The following CSMD1 variants were observed in gnomAD, a reference collection of about 807,000 sequenced individuals.
CSMD1 encodes the protein CUB and sushi domain-containing protein 1.
CSMD1 carries 213 observed loss-of-function variants against 417.5 expected under a neutral mutation model. The ratio of observed to expected loss-of-function variants is 0.51; its 90% CI spans 0.46 to 0.57. CSMD1 has a LOEUF of 0.57. CSMD1 is among the 20% of genes least tolerant of loss of function. The pLI is 0.00. For missense variants in CSMD1, 6,923 were observed against 4,529.7 expected (o/e 1.53, Z -15.17); for synonymous variants, 2,862 against 1,736.8 (o/e 1.65, Z -16.11).
intron 3 of CSMD1, among the ~76,000 whole-genome samples, chr8:4,352,209 C>A (rs1281699901): frequency 6.6e-6 from 1 of 152,186 alleles, no homozygotes; most frequent in Non-Finnish European, 1.5e-5. Flanking sequence ...GCAAGCCCCA[C>A]TTAGAGCTAA....
At chr8:4,925,338 G>GTTCT (rs151287859) in intron 1 of CSMD1, among the ~76,000 whole-genome samples, 1,855 of 146,108 alleles carry the variant, frequency 0.013, 31 homozygotes, top group African/African-American at 0.036. Flanking sequence ...GGGGTCATGT[G>GTTCT]TTGTCACATG....
chr8:3,313,300 A>G (rs1805495651), intron 23 of CSMD1, among the ~76,000 whole-genome samples: 1 of 152,234 alleles, frequency 6.6e-6, no homozygotes, highest in Non-Finnish European at 1.5e-5. Flanking sequence ...GGTTCTGCAC[A>G]GCAAAAGAAA....
chr8:4,168,720 C>T (rs1313123228), intron 3 of CSMD1, among the ~76,000 whole-genome samples: 2 of 152,120 alleles, frequency 1.3e-5, no homozygotes, highest in African/African-American at 4.8e-5. Flanking sequence ...AAAAAAAGAA[C>T]CCAACTCTTA....
chr8:2,994,197 G>T (rs1375218250), intron 54 of CSMD1, among the ~76,000 whole-genome samples: 1 of 144,738 alleles, frequency 6.9e-6, no homozygotes, highest in Non-Finnish European at 1.5e-5. Context: ...AAAGTAAGAA[G>T]GAAGAAAGAA....
intron 3 of CSMD1, among the ~76,000 whole-genome samples, chr8:4,096,294 T>G (rs1258723963): frequency 6.6e-6 from 1 of 152,080 alleles, no homozygotes; most frequent in Non-Finnish European, 1.5e-5. Flanking sequence ...GCCATTGTGC[T>G]AGGATCACCA....
At chr8:3,906,596 G>T (rs981877752) in intron 5 of CSMD1, among the ~76,000 whole-genome samples, 5 of 151,292 alleles carry the variant, frequency 3.3e-5, no homozygotes, top group African/African-American at 1.2e-4. Context: ...CATCATAAAA[G>T]GTAATACTCT....
intron 6 of CSMD1, among the ~76,000 whole-genome samples, chr8:3,741,943 T>C (rs1342156308): frequency 1.3e-5 from 2 of 151,874 alleles, no homozygotes; most frequent in African/African-American, 4.8e-5. Flanking sequence ...TTCCCACAAA[T>C]GGCAAATCTA....
intron 30 of CSMD1, among the ~76,000 whole-genome samples, chr8:3,210,933 C>G (rs1290320939): frequency 6.6e-6 from 1 of 152,022 alleles, no homozygotes; most frequent in East Asian, 1.9e-4. Flanking sequence ...CTCCCTCACA[C>G]TAGACTCTAT....
intron 10 of CSMD1, among the ~76,000 whole-genome samples, chr8:3,562,417 A>ACACACACATACACACATGCATAC (rs1554470709): frequency 6.9e-6 from 1 of 145,330 alleles, no homozygotes; most frequent in African/African-American, 2.6e-5. Flanking sequence ...CACATGCACA[A>ACACACACATACACACATGCATAC]ACACACATGC....
intron 2 of CSMD1, among the ~76,000 whole-genome samples, chr8:4,522,105 G>T (rs1185963511): frequency 6.6e-6 from 1 of 152,110 alleles, no homozygotes; most frequent in Non-Finnish European, 1.5e-5. Context: ...CATGTGTTGT[G>T]GGAGGAGCCT....
intron 1 of CSMD1, among the ~76,000 whole-genome samples, chr8:4,864,969 ATAT>A (rs1430387032): frequency 1.3e-5 from 2 of 149,526 alleles, no homozygotes; most frequent in South Asian, 2.1e-4. Context: ...AAATATTATA[ATAT>A]TATTATATAA....
At chr8:4,462,463 G>T (rs1435228213) in intron 2 of CSMD1, among the ~76,000 whole-genome samples, 1 of 152,156 alleles carries the variant, frequency 6.6e-6, no homozygotes, top group African/African-American at 2.4e-5. Context: ...TAAAATCTCT[G>T]CTGGCTTATT....
intron 69 of CSMD1, among the ~76,000 whole-genome samples, chr8:2,942,067 A>G (rs939970950): frequency 6.6e-6 from 1 of 152,218 alleles, no homozygotes; most frequent in Non-Finnish European, 1.5e-5. Context: ...ATCTTGACAA[A>G]TAAGCATTGT....
chr8:3,756,798 A>ATTTTTT (rs5888992), intron 5 of CSMD1, among the ~76,000 whole-genome samples: 1 of 149,252 alleles, frequency 6.7e-6, no homozygotes, highest in Non-Finnish European at 1.5e-5. Context: ...ACCAGGTGGA[A>ATTTTTT]TTTTTTTTTT....
intron 12 of CSMD1, among the ~76,000 whole-genome samples, chr8:3,455,379 A>G (rs1194787923): frequency 6.6e-6 from 1 of 152,254 alleles, no homozygotes; most frequent in East Asian, 1.9e-4. Flanking sequence ...TTGGAGGAGG[A>G]GAGGCACTCT....
intron 1 of CSMD1, among the ~76,000 whole-genome samples, chr8:4,710,287 A>G (rs1259216954): frequency 6.6e-6 from 1 of 151,626 alleles, no homozygotes; most frequent in Non-Finnish European, 1.5e-5. Context: ...CATGTTAAAT[A>G]TATAATGTAT....
intron 11 of CSMD1, among the ~76,000 whole-genome samples, chr8:3,475,852 G>A (rs977312736): frequency 6.6e-6 from 1 of 152,202 alleles, no homozygotes; most frequent in Admixed American, 6.6e-5. Flanking sequence ...CTCTTTGAGA[G>A]TGTAACTAAA....
intron 7 of CSMD1, among the ~76,000 whole-genome samples, chr8:3,661,329 C>A (rs1196780179): frequency 6.6e-6 from 1 of 152,134 alleles, no homozygotes; most frequent in Admixed American, 6.5e-5. Flanking sequence ...AAATGCCAAC[C>A]TGCAACCAAT....
At chr8:4,259,390 C>T (rs1235353249) in intron 3 of CSMD1, among the ~76,000 whole-genome samples, 1 of 152,120 alleles carries the variant, frequency 6.6e-6, no homozygotes, top group Non-Finnish European at 1.5e-5. Context: ...ACAGGAGGAG[C>T]TCCCAAACTA....
Sources: allele counts gnomAD v4.1 joint callset (sites outside exome capture counted in the v4.1 genomes callset), GRCh38; gene constraint gnomAD v4.1.1; transcripts MANE v1.5; gene names NCBI Gene and HGNC (gene_info 2026-07-23, HGNC 2026-07-21).